TRPC6: variants seen among roughly 807,000 people sequenced by gnomAD.
TRPC6 encodes transient receptor potential cation channel subfamily C member 6, also known as short transient receptor potential channel 6.
A neutral mutation model predicts 90.7 loss-of-function variants in TRPC6; 55 were observed. The ratio of observed to expected loss-of-function variants is 0.61; its 90% confidence interval spans 0.49 to 0.76. TRPC6 has a LOEUF of 0.76. Among genes scored for constraint, TRPC6 ranks in the 30% least tolerant of loss-of-function variants. The pLI, the probability that TRPC6 is intolerant of heterozygous loss-of-function variation, is 0.00. For synonymous variants in TRPC6, 393 were observed against 393.0 expected, an observed-to-expected ratio of 1.00 and a Z score of 0.00; for missense variants, 989 against 1,122.7, an observed-to-expected ratio of 0.88 and a Z score of 1.70.
chr11:101,529,383 G>T (rs976720589), intron 1 of TRPC6, among the ~76,000 whole-genome samples: 4 of 152,220 alleles, frequency 2.6e-5, no homozygotes, highest in African/African-American at 9.6e-5. Context: ...AGGGAAACAG[G>T]AGATGCTGCT....
chr11:101,582,078 C>T (rs531657891), intron 1 of TRPC6, among the ~76,000 whole-genome samples: 14 of 152,212 alleles, frequency 9.2e-5, no homozygotes, highest in African/African-American at 3.4e-4. Flanking sequence ...GGGGGAATTA[C>T]GTGGTATGGG....
intron 1 of TRPC6, among the ~76,000 whole-genome samples, chr11:101,546,805 T>C (rs1861317425): frequency 6.6e-6 from 1 of 152,134 alleles, no homozygotes; most frequent in Non-Finnish European, 1.5e-5. Flanking sequence ...TGTATACATA[T>C]AACACAAATA....
At chr11:101,531,484 A>G (rs553674791) in intron 1 of TRPC6, among the ~76,000 whole-genome samples, 64 of 152,332 alleles carry the variant, frequency 4.2e-4, no homozygotes, top group African/African-American at 1.5e-3. Flanking sequence ...CTAGATAGGA[A>G]AGACTGTATT....
At chr11:101,503,482 T>C (rs529271284) in intron 2 of TRPC6, among the ~76,000 whole-genome samples, 2 of 152,224 alleles carry the variant, frequency 1.3e-5, no homozygotes, top group Admixed American at 1.3e-4. Flanking sequence ...TTCTACAGTA[T>C]GTTGCTTTTA....
intron 1 of TRPC6, among the ~76,000 whole-genome samples, chr11:101,561,101 T>C (rs969073507): frequency 7.0e-5 from 5 of 71,148 alleles, no homozygotes; most frequent in South Asian, 3.9e-4. Flanking sequence ...AATGATCAGA[T>C]TGAGTTTGAC....
chr11:101,488,465 G>C (rs1307511952), intron 4 of TRPC6, among the ~76,000 whole-genome samples: 1 of 152,078 alleles, frequency 6.6e-6, no homozygotes, highest in African/African-American at 2.4e-5. Flanking sequence ...GATTTATCTG[G>C]TCATATTAGC....
chr11:101,543,591 C>A (rs559357373), intron 1 of TRPC6, among the ~76,000 whole-genome samples: 1 of 152,146 alleles, frequency 6.6e-6, no homozygotes, highest in South Asian at 2.1e-4. Context: ...ACATCTGCAA[C>A]CATCTGATCT....
At chr11:101,575,931 T>A (rs1320380755) in intron 1 of TRPC6, among the ~76,000 whole-genome samples, 1 of 151,828 alleles carries the variant, frequency 6.6e-6, no homozygotes, top group Non-Finnish European at 1.5e-5. Flanking sequence ...GGAATGGGGG[T>A]GAGTGCGCTT....
In TRPC6 at chr11:101,455,118, T is replaced by A. The variant is rs1858854150; in HGVS notation, c.2485-17A>T. Reference sequence around the variant, plus strand: ...GTGCCCAACCTGTAATTTGAAAAGATTTAGAAATGGATTCCTACTTACATT... The same window carrying A: ...GTGCCCAACCTGTAATTTGAAAAGAATTAGAAATGGATTCCTACTTACATT... On this transcript the variant is annotated splice_polypyrimidine_tract_variant and intron_variant, in intron 10 of 12. Coordinates refer to ENST00000344327, the MANE Select transcript of TRPC6 (RefSeq NM_004621.6). 3 of 1,593,282 alleles carry A rather than the reference T, an allele frequency of 1.9e-6. No homozygotes were observed. Among genetic ancestry groups the A allele is most frequent in the African/African-American group, 2.7e-5 (2 of 74,286 alleles).
intron 2 of TRPC6, among the ~76,000 whole-genome samples, chr11:101,492,855 C>T (rs970080574): frequency 1.3e-5 from 2 of 152,144 alleles, no homozygotes; most frequent in East Asian, 3.9e-4. Flanking sequence ...CTTTATATGG[C>T]AGGCACAGGG....
chr11:101,574,377 TA>T (rs1307985970), intron 1 of TRPC6, among the ~76,000 whole-genome samples: 3 of 151,302 alleles, frequency 2.0e-5, no homozygotes, highest in African/African-American at 4.9e-5. Context: ...AATAAAAATC[TA>T]AGATATAATT....
intron 10 of TRPC6, among the ~76,000 whole-genome samples, chr11:101,461,353 C>T (rs942394585): frequency 3.3e-5 from 5 of 152,116 alleles, no homozygotes; most frequent in African/African-American, 9.7e-5. Flanking sequence ...TCACTTGAGT[C>T]CAGGAGTTTG....
At chr11:101,498,407 T>G (rs534317290) in intron 2 of TRPC6, among the ~76,000 whole-genome samples, 2 of 152,310 alleles carry the variant, frequency 1.3e-5, no homozygotes, top group South Asian at 4.1e-4. Flanking sequence ...TTCTTGTTCC[T>G]GTGGCTCCAT....
chr11:101,576,537 T>G (rs1415293150), intron 1 of TRPC6, among the ~76,000 whole-genome samples: 1 of 152,204 alleles, frequency 6.6e-6, no homozygotes, highest in African/African-American at 2.4e-5. Flanking sequence ...AAATTTTAGA[T>G]GCCAAAGTTT....
rs116464400 is a variant in TRPC6, at chr11:101,457,616, G to A, written c.2485-2515C>T. On this transcript the variant is annotated intron_variant, in intron 10 of 12. Transcript: ENST00000344327. ...GAATGCAGATATGAAATGAAGCTGT[G>A]TTATACAGTGCTTATAAACATATTG... Among the ~76,000 whole-genome samples the A allele has an allele frequency of 2.5e-3, 375 of 152,270 alleles. 3 individuals are homozygous for A. The highest frequency in any genetic ancestry group is 8.7e-3 in the African/African-American group (361 of 41,558).
At chr11:101,559,252 T>C (rs73584455) in intron 1 of TRPC6, among the ~76,000 whole-genome samples, 4,003 of 152,280 alleles carry the variant, frequency 0.026, 104 homozygotes, top group African/African-American at 0.06. Context: ...ATATTTTAAA[T>C]GTTCAACATC....
chr11:101,515,936 A>T (rs1860508007), intron 1 of TRPC6, among the ~76,000 whole-genome samples: 1 of 152,142 alleles, frequency 6.6e-6, no homozygotes, highest in Admixed American at 6.6e-5. Flanking sequence ...ACTATGACCA[A>T]ATAACTTTAT....
At chr11:101,560,742 C>G (rs1178307319) in intron 1 of TRPC6, among the ~76,000 whole-genome samples, 1 of 152,058 alleles carries the variant, frequency 6.6e-6, no homozygotes, top group Admixed American at 6.6e-5. Flanking sequence ...GAAGGATTCT[C>G]TGAAGGGCTG....
At chr11:101,516,373 A>C (rs1837137130) in intron 1 of TRPC6, among the ~76,000 whole-genome samples, 1 of 152,126 alleles carries the variant, frequency 6.6e-6, no homozygotes, top group South Asian at 2.1e-4. Context: ...CAAAATTAAC[A>C]CCATTTTCCT....
Sources: allele counts gnomAD v4.1 joint callset (sites outside exome capture counted in the v4.1 genomes callset), GRCh38; gene constraint gnomAD v4.1.1; transcripts MANE v1.5; gene names NCBI Gene and HGNC (gene_info 2026-07-23, HGNC 2026-07-21).